Variants in GLI3 observed in about 807,000 individuals in gnomAD.
The protein encoded by GLI3 is transcription activator GLI3.
A neutral mutation model predicts 100.8 loss-of-function variants in GLI3; 20 were observed. The ratio of observed to expected loss-of-function variants is 0.20; its 90% CI spans 0.14 to 0.29. The LOEUF is 0.29. Among genes scored for constraint, GLI3 ranks in the 10% least tolerant of loss-of-function variants. The probability of loss-of-function intolerance (pLI) is 1.00; values close to 1 mark genes in which losing one functional copy is unlikely to be tolerated. For missense variants in GLI3, 2,040 were observed against 2,128.5 expected (o/e 0.96, Z 0.82); for synonymous variants, 938 against 860.5 (o/e 1.09, Z -1.58).
intron 3 of GLI3, among the ~76,000 whole-genome samples, chr7:42,092,768 T>C (rs1785250750): frequency 6.6e-6 from 1 of 151,524 alleles, no homozygotes; most frequent in Admixed American, 6.6e-5. Flanking sequence ...TTGGGGCTCA[T>C]CTTTTATTTT....
intron 4 of GLI3, among the ~76,000 whole-genome samples, chr7:42,054,247 A>G (rs1784407846): frequency 6.6e-6 from 1 of 152,240 alleles, no homozygotes; most frequent in South Asian, 2.1e-4. Context: ...GTTGCAGAGA[A>G]TAACTGGACT....
rs531260379 is a variant in GLI3, at chr7:41,966,070, G to C, written c.3003C>G (p.Gly1001=). The change falls in exon 15 of 15, where the codon GGC becomes GGG. Residue 1001 remains glycine, a synonymous_variant. Coordinates refer to ENST00000395925, the MANE Select transcript of GLI3 (RefSeq NM_000168.6). This position sits in a 1 kb window ranked among gnomAD's most constrained non-coding sequence, Gnocchi z 5.8. The stretch of plus-strand genomic sequence containing the variant: ...GCACCGGGTCGCTGGCCCTCCTCAC[G>C]CCGTGGCCCGGCGCATCGTGCGGCT... ...HLQPHDAPGH[G]VRRASDPVRT... is the part of the protein sequence containing the mutation. 1.9e-6 allele frequency: 3 copies of C among 1,574,028 alleles called. No homozygotes were observed. Among genetic ancestry groups the C allele is most frequent in the African/African-American group, 2.7e-5 (2 of 74,308 alleles).
intron 2 of GLI3, among the ~76,000 whole-genome samples, chr7:42,212,087 C>A (rs1788283785): frequency 6.6e-6 from 1 of 152,216 alleles, no homozygotes; most frequent in Admixed American, 6.5e-5. Flanking sequence ...AAAGAGACAT[C>A]TCGCTCTTTC....
chr7:42,179,277 A>C (rs1787543864), intron 2 of GLI3, among the ~76,000 whole-genome samples: 6 of 152,126 alleles, frequency 3.9e-5, no homozygotes, highest in Admixed American at 3.3e-4. Context: ...AAAGTCCAAT[A>C]AACTTCTTTC....
intron 10 of GLI3, among the ~76,000 whole-genome samples, chr7:41,982,541 T>A (rs1236864151): frequency 1.3e-5 from 2 of 151,164 alleles, no homozygotes; most frequent in African/African-American, 4.9e-5. Flanking sequence ...CGAGACCCCA[T>A]GTCTAAAAAA....
At chr7:42,218,263 C>T (rs1201094769) in intron 2 of GLI3, among the ~76,000 whole-genome samples, 2 of 151,964 alleles carry the variant, frequency 1.3e-5, no homozygotes, top group Non-Finnish European at 2.9e-5. Context: ...CTGCCCATTT[C>T]AGAGCAGAAC....
intron 10 of GLI3, among the ~76,000 whole-genome samples, chr7:41,993,452 T>C (rs1217340876): frequency 6.6e-6 from 1 of 152,162 alleles, no homozygotes; most frequent in Non-Finnish European, 1.5e-5. Context: ...ATCCTTGAAC[T>C]CTCCAAGCCC....
At chr7:42,113,512 A>T in intron 3 of GLI3, 1 of 1,119,404 alleles carries the variant, frequency 8.9e-7, no homozygotes, top group Non-Finnish European at 1.3e-6. Flanking sequence ...AGGTACCCAA[A>T]GGGAAAAAGG....
At chr7:41,996,950 T>A (rs1317487871) in intron 10 of GLI3, among the ~76,000 whole-genome samples, 2 of 152,194 alleles carry the variant, frequency 1.3e-5, no homozygotes, top group Non-Finnish European at 2.9e-5. Flanking sequence ...ATGCAGTGTT[T>A]TACAATTCCT....
intron 4 of GLI3, among the ~76,000 whole-genome samples, chr7:42,058,274 C>T (rs1784502103): frequency 6.6e-6 from 1 of 152,000 alleles, no homozygotes; most frequent in Non-Finnish European, 1.5e-5. Flanking sequence ...GGAAGAAGGG[C>T]TTATGAGGTG....
At chr7:42,045,355 A>C in intron 6 of GLI3, 29 bp downstream of exon 6, 6 of 1,606,822 alleles carry the variant, frequency 3.7e-6, no homozygotes, top group Non-Finnish European at 5.1e-6. Context: ...CCATTTCCCA[A>C]GACTCTAGAA....
At chr7:42,252,589 C>T (rs1398329426) in intron 1 of GLI3, among the ~76,000 whole-genome samples, 1 of 152,098 alleles carries the variant, frequency 6.6e-6, no homozygotes, top group Non-Finnish European at 1.5e-5. Flanking sequence ...TTGGAGCAAG[C>T]TGGATAGAAT....
At chr7:42,178,050 C>T (rs1398294769) in intron 2 of GLI3, among the ~76,000 whole-genome samples, 1 of 152,216 alleles carries the variant, frequency 6.6e-6, no homozygotes, top group Non-Finnish European at 1.5e-5. Context: ...CTAACAAGAA[C>T]TTCAGGTGCT....
At chr7:42,106,102 G>A (rs1785568070) in intron 3 of GLI3, among the ~76,000 whole-genome samples, 1 of 152,014 alleles carries the variant, frequency 6.6e-6, no homozygotes, top group Non-Finnish European at 1.5e-5. Flanking sequence ...GCAGGAAGAA[G>A]CATGTGTTTT....
intron 10 of GLI3, among the ~76,000 whole-genome samples, chr7:41,979,669 C>G (rs1402468390): frequency 6.6e-6 from 1 of 152,192 alleles, no homozygotes; most frequent in East Asian, 1.9e-4. Context: ...CAGCTATGGA[C>G]TACTGAAGAC....
rs1360348103 is a variant in GLI3 at position 41,964,396 on chromosome 7, G to A, written c.4677C>T (p.Ile1559=). The part of the protein sequence containing the change: ...ALSMSTTNMA[I]GDMSSLLTSL... ...AGGTCAGCAAAGAACTCATGTCCCC[G>A]ATAGCCATGTTGGTGGTGCTCATGG... Residue 1559 remains isoleucine, a synonymous_variant, in exon 15 of 15, where the codon ATC becomes ATT. Coordinates refer to ENST00000395925, the MANE Select transcript of GLI3 (RefSeq NM_000168.6). 8.7e-6 allele frequency: 14 copies of A among 1,614,006 alleles called. No homozygotes were observed. Among genetic ancestry groups the A allele is most frequent in the South Asian group, 4.4e-5 (4 of 91,074 alleles).
At position 41,966,100 on chromosome 7, in the gene GLI3, G is replaced by A; in HGVS notation, c.2973C>T (p.His991=). ...DGGAHGYGRR[H]LQPHDAPGHG... ...GGCCCGGCGCATCGTGCGGCTGCAG[G>A]TGGCGCCGCCCGTAGCCGTGGGCTC... The change falls in exon 15 of 15, where the codon CAC becomes CAT. Residue 991 remains histidine (H), a synonymous_variant. Transcript: ENST00000395925. The surrounding 1 kb of genome is among the most constrained non-coding windows in gnomAD (Gnocchi z 5.8). The A allele has an allele frequency of 6.4e-6, 10 of 1,572,194 alleles. No individual in the cohort carries two copies. The highest frequency in any genetic ancestry group is 7.7e-6 in the Non-Finnish European group (9 of 1,164,954).
intron 4 of GLI3, among the ~76,000 whole-genome samples, chr7:42,057,713 A>G (rs915849394): frequency 2.0e-5 from 3 of 152,208 alleles, no homozygotes; most frequent in African/African-American, 7.2e-5. Flanking sequence ...ATAATGAAAT[A>G]ATTTCTTTTG....
At position 41,986,846 on chromosome 7, in the gene GLI3, C is replaced by T. The variant is rs190534919; in HGVS notation, c.1498-8098G>A. Among the ~76,000 whole-genome samples, 292 of 145,480 alleles carry T rather than the reference C, an allele frequency of 2.0e-3. No homozygotes were observed. In the Middle Eastern group the frequency reaches 0.039, roughly 20 times the overall value. ...AAATTATATCTCAATAAAGATATTA[C>T]CCCCCACCCCCACCCCACGCCTCCA... is the stretch of plus-strand genomic sequence containing the variant. On this transcript the variant is annotated intron_variant, in intron 10 of 14. Transcript: ENST00000395925.
Sources: allele counts gnomAD v4.1 joint callset (sites outside exome capture counted in the v4.1 genomes callset), GRCh38; gene constraint gnomAD v4.1.1; non-coding constraint Gnocchi (gnomAD v3.1); transcripts MANE v1.5; gene names NCBI Gene and HGNC (gene_info 2026-07-23, HGNC 2026-07-21).